Variants in NLRC3 observed in about 807,000 individuals in gnomAD.
NLRC3 encodes NLR family CARD domain containing 3.
NLRC3 carries 87 observed loss-of-function variants against 91.6 expected under a neutral mutation model. The ratio of observed to expected loss-of-function variants is 0.95; its 90% CI spans 0.80 to 1.14. The LOEUF is 1.14. Ranked by LOEUF, NLRC3 falls within the 50% of genes most tolerant of loss-of-function variation. The probability of loss-of-function intolerance (pLI) is 0.00; values close to 1 mark genes in which losing one functional copy is unlikely to be tolerated. For synonymous variants in NLRC3, 694 were observed against 625.3 expected, an observed-to-expected ratio of 1.11 and a Z score of -1.64; for missense variants, 1,577 against 1,418.6, an observed-to-expected ratio of 1.11 and a Z score of -1.79.
At chr16:3,548,974 A>T (rs528837480) in intron 13 of NLRC3, among the ~76,000 whole-genome samples, 168 bp downstream of exon 13, 1 of 152,142 alleles carries the variant, frequency 6.6e-6, no homozygotes, top group African/African-American at 2.4e-5. Context: ...AGTTTACACT[A>T]TGAGAGTGGG....
At position 3,563,250 on chromosome 16, in the gene NLRC3, GTGCACAGAC is replaced by G; in HGVS notation, c.1678_1686del (p.Val560_Ala562del). On this transcript the variant is annotated inframe_deletion, in exon 5 of 20. Transcript: ENST00000359128. ...AGGCAGTGCAACACGTTGATGGCCC[GTGCACAGAC>G]TGCGGCATCGGGGCGCAGGCAGCCC... The G allele has an allele frequency of 6.2e-7, 1 of 1,606,176 alleles. No individual in the cohort carries two copies. The highest frequency in any genetic ancestry group is 1.1e-5 in the South Asian group (1 of 90,188).
At chr16:3,576,420 TC>T (rs1284039576) in intron 1 of NLRC3, among the ~76,000 whole-genome samples, 1 of 152,098 alleles carries the variant, frequency 6.6e-6, no homozygotes, top group Non-Finnish European at 1.5e-5. Context: ...GTCACCTCCA[TC>T]TACAGGTGGG....
At chr16:3,554,362 A>G in intron 8 of NLRC3, 37 bp from the exon 9 acceptor site, 1 of 1,521,872 alleles carries the variant, frequency 6.6e-7, no homozygotes, top group Non-Finnish European at 9.1e-7. Context: ...CTGATGGAGC[A>G]GAAGCTGGAA....
chr16:3,571,086 A>G (rs893863269), intron 1 of NLRC3, among the ~76,000 whole-genome samples: 3 of 152,170 alleles, frequency 2.0e-5, no homozygotes, highest in African/African-American at 7.2e-5. Context: ...TATATTTATA[A>G]TATCTACACA....
intron 1 of NLRC3, among the ~76,000 whole-genome samples, chr16:3,567,771 CAAAA>C (rs774868671): frequency 5.2e-5 from 2 of 38,542 alleles, no homozygotes; most frequent in Non-Finnish European, 9.3e-5. Flanking sequence ...GACTCCATCT[CAAAA>C]AAAAAAAAAA....
intron 8 of NLRC3, among the ~76,000 whole-genome samples, chr16:3,555,556 A>G (rs1265586744): frequency 2.0e-5 from 3 of 151,936 alleles, no homozygotes; most frequent in African/African-American, 7.3e-5. Context: ...ATGCCACTGA[A>G]CTGTACACTT....
Position 3,552,213 on chromosome 16 carries a change from CCTGTT to C in NLRC3, c.2329_2333del (p.Asn777GlufsTer10), listed in dbSNP as rs1194094063. 6.2e-7 allele frequency: 1 copy of C among 1,609,732 alleles called. No individual in the cohort carries two copies. Among genetic ancestry groups the C allele is most frequent in the South Asian group, 1.1e-5 (1 of 91,008 alleles). On this transcript the variant is annotated frameshift_variant, in exon 10 of 20. Transcript: ENST00000359128. LOFTEE classifies it high-confidence loss of function. Reference sequence around the variant, plus strand: ...TGTCTCACATGAGCTCTTTCAGACTCCTGTTCTGCTTCAAGGCATCTGCCATCCGC... The same window carrying C: ...TGTCTCACATGAGCTCTTTCAGACTCCTGCTTCAAGGCATCTGCCATCCGC...
Position 3,563,894 on chromosome 16 carries a change from C to A in NLRC3, c.1043G>T (p.Gly348Val), listed in dbSNP as rs767809411. 1 of 1,597,334 alleles carries A rather than the reference C, an allele frequency of 6.3e-7. No homozygotes were observed. The highest frequency in any genetic ancestry group is 8.5e-7 in the Non-Finnish European group (1 of 1,172,404). ...GGGCCACAGCTCTGCATCCTGGGGC[C>A]CCGTCCTGCTGCGCCACAGGTGGCC... ...ALGHLWRSRT[G>V]PQDAELWPPR... The change falls in exon 5 of 20, where the codon GGG becomes GTG. Residue 348 changes from glycine to valine, a missense_variant. Transcript: ENST00000359128.
chr16:3,546,011 G>C (rs148413692), intron 15 of NLRC3, among the ~76,000 whole-genome samples: 2 of 152,156 alleles, frequency 1.3e-5, no homozygotes, highest in African/African-American at 4.8e-5. Flanking sequence ...GAGTGGTGCC[G>C]ATGGCCTGGG....
At chr16:3,548,587 G>A (rs2038820659) in intron 14 of NLRC3, 83 bp downstream of exon 14, 3 of 1,044,042 alleles carry the variant, frequency 2.9e-6, no homozygotes, top group East Asian at 5.2e-5. Context: ...CAAACCAGGT[G>A]TGGCCTGTGC....
In NLRC3 at chr16:3,563,402, A is replaced by C; in HGVS notation, c.1535T>G (p.Val512Gly). 1 of 1,578,674 alleles carries C rather than the reference A, an allele frequency of 6.3e-7. No individual in the cohort carries two copies. The highest frequency in any genetic ancestry group is 8.6e-7 in the Non-Finnish European group (1 of 1,162,920). The change falls in exon 5 of 20, where the codon GTG becomes GGG. Residue 512 changes from valine to glycine, a missense_variant. Val to Gly is a moderately radical substitution (Grantham distance 109). Coordinates refer to ENST00000359128, the MANE Select transcript of NLRC3 (RefSeq NM_178844.4). ...GAGGCCGGAGAGGAAGCGCAGGAAC[A>C]CGTCCAGCCTCCCGTCCTCTGCCTG... is the stretch of plus-strand genomic sequence containing the variant. ...AMQAEDGRLD[V>G]FLRFLSGLLS...
intron 6 of NLRC3, among the ~76,000 whole-genome samples, chr16:3,560,036 A>G (rs1368034519): frequency 6.6e-6 from 1 of 152,158 alleles, no homozygotes; most frequent in Non-Finnish European, 1.5e-5. Flanking sequence ...CATACTCCCC[A>G]GTGCCTTATT....
At chr16:3,549,109 C>G in intron 13 of NLRC3, 33 bp downstream of exon 13, 1 of 1,471,648 alleles carries the variant, frequency 6.8e-7, no homozygotes, top group South Asian at 1.2e-5. Flanking sequence ...ATGGCATGAA[C>G]AGCCTGTGGA....
intron 12 of NLRC3, 81 bp from the exon 13 acceptor site, chr16:3,549,306 T>A: frequency 1.9e-6 from 2 of 1,041,946 alleles, no homozygotes; most frequent in Non-Finnish European, 2.9e-6. Flanking sequence ...TTTAGGCTTC[T>A]TGAAGCCCAA....
In NLRC3 at chr16:3,541,079, C is replaced by A. The variant is rs1447063404; in HGVS notation, c.*746G>T. On this transcript the variant is annotated 3_prime_UTR_variant, in exon 20 of 20. Transcript: ENST00000359128. ...AATTAGCCGGGCATGGTGGCGGGTG[C>A]CTGTATTCCCAGCTACTGGGGAGGC... 6.6e-6 allele frequency: 1 copy of A among 152,218 alleles called. No individual in the cohort carries two copies. Among genetic ancestry groups the A allele is most frequent in the East Asian group, 1.9e-4 (1 of 5,154 alleles). The allele number at this position is 152,218 out of a possible 1,614,324, so 9.4% of individuals were successfully genotyped here.
rs527429753 is a variant in NLRC3, at chr16:3,542,010, C to T, written c.3108-95G>A. ...GAAAATGCAGGACCCCATGCAAAGCCTTTGTGCTTCTAGGATCCCCTCGCT... is the reference window on the plus strand; with the variant it reads ...GAAAATGCAGGACCCCATGCAAAGCTTTTGTGCTTCTAGGATCCCCTCGCT... On this transcript the variant is annotated intron_variant, in intron 19 of 19. Coordinates refer to ENST00000359128, the MANE Select transcript of NLRC3 (RefSeq NM_178844.4). 8 of 839,570 alleles carry T rather than the reference C, an allele frequency of 9.5e-6. No homozygotes were observed. The East Asian group carries it at 2.1e-4, about 22-fold the overall frequency. 52.0% of individuals were successfully genotyped at this position (839,570 alleles called of 1,614,324 possible).
chr16:3,561,183 C>T (rs1332154884), intron 6 of NLRC3, among the ~76,000 whole-genome samples: 1 of 151,790 alleles, frequency 6.6e-6, no homozygotes, highest in Non-Finnish European at 1.5e-5. Flanking sequence ...AACCCTGTCT[C>T]TACTAAAAAT....
Position 3,563,064 on chromosome 16 carries a change from T to C in NLRC3, c.1873A>G (p.Ser625Gly). ...AQEANLSLSL[S>G]QGVLQSLLPQ... Reference sequence around the variant, plus strand: ...AGCAGGCTCTGAAGGACGCCCTGGCTGAGGCTCAGGGACAGGTTGGCCTCC... The same window carrying C: ...AGCAGGCTCTGAAGGACGCCCTGGCCGAGGCTCAGGGACAGGTTGGCCTCC... Residue 625 changes from serine to glycine, a missense_variant, in exon 5 of 20, where the codon AGC (serine) becomes GGC (glycine). Ser to Gly is a moderately conservative substitution (Grantham distance 56). Transcript: ENST00000359128. 6.4e-7 allele frequency: 1 copy of C among 1,564,118 alleles called. No individual in the cohort carries two copies. The highest frequency in any genetic ancestry group is 8.7e-7 in the Non-Finnish European group (1 of 1,154,794).
intron 9 of NLRC3, among the ~76,000 whole-genome samples, chr16:3,552,566 G>T (rs907971054): frequency 4.6e-5 from 7 of 152,100 alleles, no homozygotes; most frequent in Non-Finnish European, 8.8e-5. Context: ...CCCGAATGGG[G>T]ACCTCCATGG....
Sources: allele counts gnomAD v4.1 joint callset (sites outside exome capture counted in the v4.1 genomes callset), GRCh38; gene constraint gnomAD v4.1.1; transcripts MANE v1.5; gene names NCBI Gene and HGNC (gene_info 2026-07-23, HGNC 2026-07-21).